AKR1C8: variants seen among roughly 807,000 people sequenced by gnomAD.
AKR1C8 encodes the protein aldo-keto reductase family 1 member C8.
chr10:5,147,353 C>T, the AKR1C8 span, among the ~76,000 whole-genome samples: 1 of 152,116 alleles, frequency 6.6e-6, no homozygotes, highest in Non-Finnish European at 1.5e-5. Flanking sequence ...ATCGCAATTA[C>T]AGCATTCTTC....
the AKR1C8 span, chr10:5,158,839 T>A: frequency 2.5e-4 from 98 of 393,806 alleles, no homozygotes; most frequent in African/African-American, 2.0e-3. Context: ...TTGGCCCTTT[T>A]CCCCATGCAC....
the AKR1C8 span, chr10:5,157,764 C>G: frequency 8.5e-6 from 4 of 471,672 alleles, no homozygotes; most frequent in South Asian, 6.2e-5. Context: ...ATTTCAAGAT[C>G]GGCTCCTCCA....
At chr10:5,168,627 C>G in the AKR1C8 span, among the ~76,000 whole-genome samples, 1 of 152,060 alleles carries the variant, frequency 6.6e-6, no homozygotes, top group African/African-American at 2.4e-5. Flanking sequence ...ACTCTTAAAC[C>G]AAACCCTAAC....
At chr10:5,142,431 A>G in the AKR1C8 span, among the ~76,000 whole-genome samples, 1 of 152,150 alleles carries the variant, frequency 6.6e-6, no homozygotes, top group Non-Finnish European at 1.5e-5. Context: ...AACACAATAG[A>G]CCTAGCTTTC....
the AKR1C8 span, among the ~76,000 whole-genome samples, chr10:5,168,876 C>T: frequency 1.3e-5 from 2 of 151,990 alleles, no homozygotes; most frequent in African/African-American, 4.8e-5. Flanking sequence ...AAAAGACTGA[C>T]AAAAAATCAG....
the AKR1C8 span, among the ~76,000 whole-genome samples, chr10:5,174,516 C>T: frequency 4.5e-3 from 496 of 109,256 alleles, 1 homozygote; most frequent in Non-Finnish European, 8.6e-3. Context: ...ACTTCTTTGA[C>T]CTTTACAAAC....
chr10:5,146,186 TG>T, the AKR1C8 span, among the ~76,000 whole-genome samples: 1 of 91,546 alleles, frequency 1.1e-5, no homozygotes, highest in African/African-American at 4.5e-5. Flanking sequence ...CATCACACTC[TG>T]GGGGACTGTT....
At chr10:5,162,981 T>TA in the AKR1C8 span, 1 of 534,580 alleles carries the variant, frequency 1.9e-6, no homozygotes, top group South Asian at 1.4e-5. Flanking sequence ...CCTACGTCAA[T>TA]AGCCACTTTG....
At chr10:5,173,170 G>T in the AKR1C8 span, among the ~76,000 whole-genome samples, 46 of 152,216 alleles carry the variant, frequency 3.0e-4, no homozygotes, top group African/African-American at 1.1e-3. Flanking sequence ...ACTAAGAGTG[G>T]CAAGACAGAA....
chr10:5,124,171 A>G, the AKR1C8 span, among the ~76,000 whole-genome samples: 2 of 152,174 alleles, frequency 1.3e-5, no homozygotes, highest in Admixed American at 1.3e-4. Context: ...AATTTCTTCA[A>G]AGACTCATGA....
At chr10:5,141,125 G>A in the AKR1C8 span, among the ~76,000 whole-genome samples, 1 of 152,068 alleles carries the variant, frequency 6.6e-6, no homozygotes, top group African/African-American at 2.4e-5. Flanking sequence ...ATCCTTTGTT[G>A]TCATTGCAGC....
At chr10:5,121,127 AT>A in the AKR1C8 span, among the ~76,000 whole-genome samples, 1 of 152,108 alleles carries the variant, frequency 6.6e-6, no homozygotes, top group Non-Finnish European at 1.5e-5. Flanking sequence ...GCAAACACAC[AT>A]AAAAAATTTC....
the AKR1C8 span, among the ~76,000 whole-genome samples, chr10:5,180,882 C>T: frequency 7.2e-5 from 11 of 152,310 alleles, no homozygotes; most frequent in East Asian, 9.7e-4. Context: ...TTCCAGGTGC[C>T]GTCTGTCACC....
At chr10:5,154,907 C>T in the AKR1C8 span, 1 of 152,140 alleles carries the variant, frequency 6.6e-6, no homozygotes, top group Admixed American at 6.5e-5. Flanking sequence ...TTCAGGTGGA[C>T]AAAGATGACA....
the AKR1C8 span, among the ~76,000 whole-genome samples, chr10:5,162,301 C>T: frequency 6.6e-6 from 1 of 152,198 alleles, no homozygotes; most frequent in Non-Finnish European, 1.5e-5. Flanking sequence ...AGAACAGAAT[C>T]TCTTGTCCTG....
the AKR1C8 span, among the ~76,000 whole-genome samples, chr10:5,184,674 G>C: frequency 6.6e-6 from 1 of 152,132 alleles, no homozygotes; most frequent in Non-Finnish European, 1.5e-5. Context: ...ACCTAGGCCA[G>C]TTGTTAAGGA....
chr10:5,135,783 G>C, the AKR1C8 span, among the ~76,000 whole-genome samples: 2 of 152,058 alleles, frequency 1.3e-5, no homozygotes, highest in Non-Finnish European at 2.9e-5. Context: ...TGACTAGTAA[G>C]CATTTTTTAA....
the AKR1C8 span, among the ~76,000 whole-genome samples, chr10:5,139,297 C>G: frequency 6.6e-6 from 1 of 152,268 alleles, no homozygotes; most frequent in South Asian, 2.1e-4. Context: ...TTGGAAAAAA[C>G]TACTTTAAAG....
At chr10:5,148,130 G>C in the AKR1C8 span, among the ~76,000 whole-genome samples, 5 of 152,080 alleles carry the variant, frequency 3.3e-5, no homozygotes, top group Non-Finnish European at 5.9e-5. Context: ...TGCTACGTGG[G>C]GGCTTCTGCC....
Sources: allele counts gnomAD v4.1 joint callset (sites outside exome capture counted in the v4.1 genomes callset), GRCh38; gene constraint gnomAD v4.1.1; transcripts MANE v1.5; gene names NCBI Gene and HGNC (gene_info 2026-07-23, HGNC 2026-07-21).